The following PMPCB variants were observed in gnomAD, a reference collection of about 807,000 sequenced individuals.
The protein encoded by PMPCB is mitochondrial-processing peptidase subunit beta.
PMPCB carries 46 observed loss-of-function variants against 61.5 expected under a neutral mutation model. The observed-to-expected ratio is 0.75, with a 90% CI of 0.59 to 0.96. The LOEUF (loss-of-function observed/expected upper bound fraction) is 0.96. PMPCB is among the 40% of genes least tolerant of loss of function. PMPCB has a pLI of 0.00. For missense variants in PMPCB, 590 were observed against 602.4 expected, an observed-to-expected ratio of 0.98 and a Z score of 0.22; for synonymous variants, 191 against 201.6, an observed-to-expected ratio of 0.95 and a Z score of 0.44.
chr7:103,325,797 G>A (rs775819559), intron 12 of PMPCB, among the ~76,000 whole-genome samples: 1 of 152,118 alleles, frequency 6.6e-6, no homozygotes, highest in Admixed American at 6.5e-5. Flanking sequence ...TGCTTTAATC[G>A]TAACTATAAA....
At chr7:103,297,914 G>C in intron 1 of PMPCB, 1 of 1,294,122 alleles carries the variant, frequency 7.7e-7, no homozygotes, top group Admixed American at 3.0e-5. Context: ...ACTGAACTTC[G>C]TCCTCAGCTG....
In PMPCB at chr7:103,299,513, A is replaced by G. The variant is rs1273913073; in HGVS notation, c.311A>G (p.Glu104Gly). Residue 104 changes from glutamate to glycine, a missense_variant, in exon 3 of 13, where the codon GAG becomes GGG. Transcript: ENST00000249269. The part of the protein sequence containing the change: ...EKNNGTAHFL[E>G]HMAFKGTKKR... The stretch of plus-strand genomic sequence containing the variant: ...AACAATGGAACAGCACACTTTCTGG[A>G]GCATATGGCTTTCAAGGCAAGTTGT... The G allele has an allele frequency of 6.2e-7, 1 of 1,610,396 alleles. No homozygotes were observed. Among genetic ancestry groups the G allele is most frequent in the South Asian group, 1.1e-5 (1 of 90,846 alleles).
At chr7:103,338,639 T>C in the PMPCB span, among the ~76,000 whole-genome samples, 2 of 151,628 alleles carry the variant, frequency 1.3e-5, no homozygotes, top group Non-Finnish European at 2.9e-5. Context: ...AGGCTGGGCA[T>C]GCCAGCTTAC....
chr7:103,307,505 A>G (rs1324281462), intron 6 of PMPCB, 91 bp from the exon 7 acceptor site: 5 of 718,990 alleles, frequency 7.0e-6, no homozygotes, highest in Admixed American at 2.2e-5. Context: ...TAGATAGTTC[A>G]TGTGTAATGT....
chr7:103,299,891 C>T (rs1361239464), intron 3 of PMPCB, among the ~76,000 whole-genome samples: 2 of 152,072 alleles, frequency 1.3e-5, no homozygotes, highest in Non-Finnish European at 2.9e-5. Context: ...ACATTTACTT[C>T]TGGAGTAGCT....
At chr7:103,304,293 A>G in intron 5 of PMPCB, 118 bp from the exon 6 acceptor site, 1 of 701,408 alleles carries the variant, frequency 1.4e-6, no homozygotes, top group Non-Finnish European at 2.5e-6. Flanking sequence ...TGTTGCCTGT[A>G]TCCTATTTCT....
intron 12 of PMPCB, chr7:103,319,820 CATT>C (rs757803600): frequency 6.2e-7 from 1 of 1,614,180 alleles, no homozygotes; most frequent in Non-Finnish European, 8.5e-7. Context: ...CGCTCTGCCT[CATT>C]ATCAGAAAAA....
At chr7:103,341,362 T>C in the PMPCB span, among the ~76,000 whole-genome samples, 10 of 152,214 alleles carry the variant, frequency 6.6e-5, no homozygotes, top group Admixed American at 6.5e-5. Flanking sequence ...CTAGTGTCCT[T>C]TTAAAGACAC....
chr7:103,315,029 A>C (rs1044088585), downstream of PMPCB, among the ~76,000 whole-genome samples: 2 of 152,154 alleles, frequency 1.3e-5, no homozygotes, highest in African/African-American at 4.8e-5. Context: ...AAGTATACCC[A>C]CCCATATAAT....
chr7:103,313,165 T>C lies in PMPCB; in HGVS notation c.*894T>C. 12 of 1,520,976 alleles carry C rather than the reference T, an allele frequency of 7.9e-6. No homozygotes were observed. The highest frequency in any genetic ancestry group is 1.1e-5 in the Non-Finnish European group (12 of 1,141,692). The allele number at this position is 1,520,976 out of a possible 1,614,324, so 94.2% of individuals were successfully genotyped here. ...ACATGTTCTCAGACAAGTCTTGTGGTCCACAAGTATTCGCTAAGTGCCCAT... is the reference window on the plus strand; with the variant it reads ...ACATGTTCTCAGACAAGTCTTGTGGCCCACAAGTATTCGCTAAGTGCCCAT... On this transcript the variant is annotated 3_prime_UTR_variant, in exon 13 of 13. Coordinates refer to ENST00000249269, the MANE Select transcript of PMPCB (RefSeq NM_004279.3).
chr7:103,329,801 T>C (rs1818891556), downstream of PMPCB, among the ~76,000 whole-genome samples: 1 of 152,218 alleles, frequency 6.6e-6, no homozygotes, highest in South Asian at 2.1e-4. Context: ...AACTGTGTAA[T>C]TTTTGCTTAT....
At chr7:103,300,423 G>A (rs1227062702) in intron 4 of PMPCB, 116 bp downstream of exon 4, 19 of 765,310 alleles carry the variant, frequency 2.5e-5, no homozygotes, top group African/African-American at 9.0e-5. Flanking sequence ...GTGAAAAAGC[G>A]AAACTGAATT....
Position 103,311,845 on chromosome 7 carries a change from G to C in PMPCB, c.1278G>C (p.Met426Ile). 6.2e-7 allele frequency: 1 copy of C among 1,613,438 alleles called. No homozygotes were observed. The highest frequency in any genetic ancestry group is 1.1e-5 in the South Asian group (1 of 91,002). The change falls in exon 11 of 13, where the codon ATG becomes ATC. Residue 426 changes from methionine (M) to isoleucine (I), a missense_variant. By Grantham distance (10) the Met-to-Ile change is conservative. Coordinates refer to ENST00000249269, the MANE Select transcript of PMPCB (RefSeq NM_004279.3). ...TTTGTGAAGATATTGGTAGGCAAATGTTATGCTATAATAGAAGGATTCCCA... is the reference window on the plus strand; with the variant it reads ...TTTGTGAAGATATTGGTAGGCAAATCTTATGCTATAATAGAAGGATTCCCA... ...TPICEDIGRQ[M>I]LCYNRRIPIP...
chr7:103,326,210 TC>T (rs1371003057), intron 12 of PMPCB, among the ~76,000 whole-genome samples: 1 of 152,148 alleles, frequency 6.6e-6, no homozygotes, highest in East Asian at 1.9e-4. Context: ...ACTCCTGACC[TC>T]AGGTGATCCG....
downstream of PMPCB, among the ~76,000 whole-genome samples, chr7:103,314,897 G>C (rs910437064): frequency 6.6e-6 from 1 of 152,144 alleles, no homozygotes; most frequent in African/African-American, 2.4e-5. Flanking sequence ...GAAAGGATTG[G>C]TGGCTCACAA....
intron 8 of PMPCB, 169 bp downstream of exon 8, chr7:103,309,264 A>ACGTTTT (rs1817673472): frequency 1.9e-6 from 1 of 526,508 alleles, no homozygotes; most frequent in African/African-American, 2.0e-5. Context: ...GGCCAGAAAA[A>ACGTTTT]GTTTCTTTTT....
chr7:103,297,718 G>C, intron 1 of PMPCB, 160 bp downstream of exon 1: 3 of 1,534,966 alleles, frequency 2.0e-6, no homozygotes, highest in Non-Finnish European at 2.6e-6. Flanking sequence ...GAACTGGCCG[G>C]GGGTGACTGG....
the PMPCB span, among the ~76,000 whole-genome samples, chr7:103,338,851 A>G: frequency 6.6e-6 from 1 of 152,098 alleles, no homozygotes; most frequent in Non-Finnish European, 1.5e-5. Flanking sequence ...CGGAGGTTGC[A>G]GTGGGCCAAG....
rs769112571 is a variant in PMPCB, at chr7:103,324,584, T to G, written c.*1432-4347T>G. ...CCATCTGAAATATCAAAGGAAATAT[T>G]CTTACAATTCTTCAAAAATTATGTA... On this transcript the variant is annotated intron_variant and NMD_transcript_variant, in intron 12 of 12. Coordinates refer to the PMPCB transcript ENST00000444457. The G allele has an allele frequency of 2.1e-6, 3 of 1,428,716 alleles. No individual in the cohort carries two copies. In the South Asian group the frequency reaches 4.2e-5, roughly 20 times the overall value. 88.5% of individuals were successfully genotyped at this position (1,428,716 alleles called of 1,614,324 possible).
Sources: allele counts gnomAD v4.1 joint callset (sites outside exome capture counted in the v4.1 genomes callset), GRCh38; gene constraint gnomAD v4.1.1; transcripts MANE v1.5; gene names NCBI Gene and HGNC (gene_info 2026-07-23, HGNC 2026-07-21).